GALNT2: variants seen among roughly 807,000 people sequenced by gnomAD.
GALNT2 encodes the protein polypeptide N-acetylgalactosaminyltransferase 2, also known as UDP-GalNAc:polypeptide N-acetylgalactosaminyltransferase 2.
A neutral mutation model predicts 81.4 loss-of-function variants in GALNT2; 31 were observed. The observed-to-expected ratio is 0.38, with a 90% CI of 0.29 to 0.51. The LOEUF (loss-of-function observed/expected upper bound fraction) is 0.51, where lower values mean the gene tolerates loss of function less well. Among genes scored for constraint, GALNT2 ranks in the 20% least tolerant of loss-of-function variants. The probability of loss-of-function intolerance (pLI) is 0.87; values close to 1 mark genes in which losing one functional copy is unlikely to be tolerated. For synonymous variants in GALNT2, 303 were observed against 287.4 expected (o/e 1.05, Z -0.55); for missense variants, 629 against 765.7 (o/e 0.82, Z 2.11).
chr1:230,067,852 G>C (rs991408463), intron 1 of GALNT2, among the ~76,000 whole-genome samples: 1 of 152,226 alleles, frequency 6.6e-6, no homozygotes, highest in Non-Finnish European at 1.5e-5. Flanking sequence ...GATACCAGCG[G>C]CTGCAAATCC....
intron 1 of GALNT2, among the ~76,000 whole-genome samples, chr1:230,161,246 A>G (rs905153472): frequency 2.0e-5 from 3 of 152,094 alleles, no homozygotes; most frequent in Non-Finnish European, 4.4e-5. Flanking sequence ...GTCCTATAGT[A>G]TTTGCTAGCT....
intron 3 of GALNT2, among the ~76,000 whole-genome samples, chr1:230,205,368 G>T (rs1471565204): frequency 6.6e-6 from 1 of 152,082 alleles, no homozygotes; most frequent in Admixed American, 6.5e-5. Flanking sequence ...AAAAGTGTGT[G>T]TGTGTGTTTG....
At chr1:230,087,404 C>T (rs1214811571) in intron 1 of GALNT2, among the ~76,000 whole-genome samples, 2 of 152,238 alleles carry the variant, frequency 1.3e-5, no homozygotes, top group Admixed American at 6.5e-5. Flanking sequence ...GATCCTTCTG[C>T]TGTCCTCCAC....
At chr1:230,075,650 G>A (rs565425037) in intron 1 of GALNT2, among the ~76,000 whole-genome samples, 2 of 152,292 alleles carry the variant, frequency 1.3e-5, no homozygotes, top group East Asian at 1.9e-4. Context: ...TAGCAGACAC[G>A]GAATCCTTGT....
intron 1 of GALNT2, among the ~76,000 whole-genome samples, chr1:230,136,999 T>C (rs1661570443): frequency 6.6e-6 from 1 of 152,228 alleles, no homozygotes; most frequent in Non-Finnish European, 1.5e-5. Flanking sequence ...CATTTTTCCA[T>C]AGTCAGTGGG....
chr1:230,124,587 G>GGCA (rs112045642), intron 1 of GALNT2, among the ~76,000 whole-genome samples: 89 of 152,324 alleles, frequency 5.8e-4, no homozygotes, highest in African/African-American at 2.0e-3. Flanking sequence ...GGAGGAGGCA[G>GGCA]GCAGCACTTC....
chr1:230,132,206 CTG>C (rs1338663971), intron 1 of GALNT2, among the ~76,000 whole-genome samples: 5 of 152,196 alleles, frequency 3.3e-5, no homozygotes, highest in Non-Finnish European at 7.3e-5. Flanking sequence ...ACAGTAGTAA[CTG>C]TGGCGGTCAG....
chr1:230,272,938 T>A (rs908076892), intron 14 of GALNT2, among the ~76,000 whole-genome samples: 2 of 152,068 alleles, frequency 1.3e-5, no homozygotes, highest in African/African-American at 4.8e-5. Context: ...CCGGTCAACT[T>A]ATTTTTTATT....
chr1:230,182,086 C>T (rs1248904525), intron 2 of GALNT2, among the ~76,000 whole-genome samples: 1 of 152,092 alleles, frequency 6.6e-6, no homozygotes, highest in Non-Finnish European at 1.5e-5. Flanking sequence ...AGTTATATCC[C>T]CACTTTCATT....
At chr1:230,256,593 CAG>C (rs1410796504) in intron 11 of GALNT2, among the ~76,000 whole-genome samples, 2 of 152,142 alleles carry the variant, frequency 1.3e-5, no homozygotes, top group Non-Finnish European at 2.9e-5. Context: ...CATCGTGACA[CAG>C]AGTCACGATT....
chr1:230,251,646 G>A (rs1316865656), intron 10 of GALNT2, among the ~76,000 whole-genome samples: 1 of 152,188 alleles, frequency 6.6e-6, no homozygotes, highest in Non-Finnish European at 1.5e-5. Flanking sequence ...AAAGGCTTCA[G>A]AATTGTTAAC....
At chr1:230,125,068 G>A (rs1177347385) in intron 1 of GALNT2, among the ~76,000 whole-genome samples, 1 of 152,190 alleles carries the variant, frequency 6.6e-6, no homozygotes, top group Admixed American at 6.5e-5. Flanking sequence ...TCCATTTGAC[G>A]TGTAACCTGG....
chr1:230,255,283 C>T lies in GALNT2; in HGVS notation c.1075C>T (p.His359Tyr), dbSNP rs1665674291. ...LEIIPCSRVG[H>Y]VFRKQHPYTF... ...GATCATCCCGTGCAGCCGTGTGGGA[C>T]ACGTGTTCCGGAAGCAGCACCCCTA... The change falls in exon 11 of 16, where the codon CAC becomes TAC. Residue 359 changes from histidine (H) to tyrosine (Y), a missense_variant. Physicochemically the swap from His to Tyr is moderately conservative, Grantham distance 83 (BLOSUM62 2). Coordinates refer to ENST00000366672, the MANE Select transcript of GALNT2 (RefSeq NM_004481.5). The T allele has an allele frequency of 6.2e-7, 1 of 1,614,214 alleles. No homozygotes were observed. Among genetic ancestry groups the T allele is most frequent in the Non-Finnish European group, 8.5e-7 (1 of 1,180,038 alleles).
chr1:230,137,329 G>GC (rs1661580316), intron 1 of GALNT2, among the ~76,000 whole-genome samples: 1 of 152,206 alleles, frequency 6.6e-6, no homozygotes, highest in Admixed American at 6.5e-5. Flanking sequence ...GGTGGATATG[G>GC]CCGAAGCCAC....
chr1:230,187,876 C>T (rs58762588), intron 2 of GALNT2, among the ~76,000 whole-genome samples: 9,178 of 144,236 alleles, frequency 0.064, 556 homozygotes, highest in African/African-American at 0.16. Flanking sequence ...CTCCAACATC[C>T]GGCTGTTTCT....
chr1:230,222,822 G>C (rs1382530706), intron 3 of GALNT2, among the ~76,000 whole-genome samples: 1 of 152,146 alleles, frequency 6.6e-6, no homozygotes, highest in African/African-American at 2.4e-5. Context: ...CATAGGTACT[G>C]TTGTTATTGT....
At position 230,277,678 on chromosome 1, in the gene GALNT2, T is replaced by C. The variant is rs1666336537; in HGVS notation, c.1561-1625T>C. Among the ~76,000 whole-genome samples the C allele has an allele frequency of 2.6e-5, 4 of 152,208 alleles. No individual in the cohort carries two copies. The South Asian group carries it at 6.2e-4, about 24-fold the overall frequency. On this transcript the variant is annotated intron_variant, in intron 15 of 15. Transcript: ENST00000366672. ...GGAAATAAGGAAAGCAGGGTACAAGTGACAACATCCTTGTGGTGTTTCGCG... is the reference window on the plus strand; with the variant it reads ...GGAAATAAGGAAAGCAGGGTACAAGCGACAACATCCTTGTGGTGTTTCGCG...
intron 3 of GALNT2, among the ~76,000 whole-genome samples, chr1:230,206,765 T>C (rs1314390471): frequency 6.6e-6 from 1 of 152,196 alleles, no homozygotes; most frequent in African/African-American, 2.4e-5. Context: ...GAATGAGGTG[T>C]TTGGAGTCCT....
chr1:230,141,788 CTTTTTTTTTT>C (rs60824749), intron 1 of GALNT2, among the ~76,000 whole-genome samples: 1 of 101,324 alleles, frequency 9.9e-6, no homozygotes, highest in African/African-American at 3.6e-5. Context: ...TTTTGTTTTC[CTTTTTTTTTT>C]TTTTTTTTTT....
Sources: allele counts gnomAD v4.1 joint callset (sites outside exome capture counted in the v4.1 genomes callset), GRCh38; gene constraint gnomAD v4.1.1; transcripts MANE v1.5; gene names NCBI Gene and HGNC (gene_info 2026-07-23, HGNC 2026-07-21).